The following UGP2 variants were observed in gnomAD, a reference collection of about 807,000 sequenced individuals.
The protein encoded by UGP2 is UDP-glucose pyrophosphorylase 2.
A neutral mutation model predicts 49.0 loss-of-function variants in UGP2; 40 were observed. The ratio of observed to expected loss-of-function variants is 0.82; its 90% CI spans 0.63 to 1.06. The LOEUF (loss-of-function observed/expected upper bound fraction) is 1.06. Ranked by LOEUF, UGP2 falls within the 50% of genes least tolerant of loss-of-function variation. UGP2 has a pLI of 0.00. For synonymous variants in UGP2, 225 were observed against 213.0 expected, an observed-to-expected ratio of 1.06 and a Z score of -0.49; for missense variants, 460 against 603.5, an observed-to-expected ratio of 0.76 and a Z score of 2.49.
intron 3 of UGP2, 65 bp from the exon 4 acceptor site, chr2:63,882,401 A>G: frequency 7.5e-7 from 1 of 1,328,950 alleles, no homozygotes; most frequent in Non-Finnish European, 1.0e-6. Context: ...TAACCCTGGG[A>G]TTGATATGCT....
intron 3 of UGP2, among the ~76,000 whole-genome samples, chr2:63,874,350 G>T (rs1017780753): frequency 6.6e-6 from 1 of 152,188 alleles, no homozygotes; most frequent in Non-Finnish European, 1.5e-5. Context: ...AGAGACCACT[G>T]CAATAACACA....
At chr2:63,874,804 C>G (rs375567276) in intron 3 of UGP2, among the ~76,000 whole-genome samples, 1 of 151,828 alleles carries the variant, frequency 6.6e-6, no homozygotes, top group Non-Finnish European at 1.5e-5. Flanking sequence ...GTACCTCCCT[C>G]CCTTTTTTTC....
intron 5 of UGP2, among the ~76,000 whole-genome samples, 161 bp from the exon 6 acceptor site, chr2:63,885,428 A>G (rs2104359835): frequency 6.6e-6 from 1 of 152,336 alleles, no homozygotes; most frequent in African/African-American, 2.4e-5. Context: ...CAACACAGAT[A>G]CTGAGAGATT....
At chr2:63,849,017 T>C (rs1020959730) in intron 1 of UGP2, among the ~76,000 whole-genome samples, 1 of 152,206 alleles carries the variant, frequency 6.6e-6, no homozygotes, top group African/African-American at 2.4e-5. Flanking sequence ...ATGGAGAAAT[T>C]GGCTATGTTG....
chr2:63,856,918 T>G (rs1203793361), intron 2 of UGP2: 1 of 426,842 alleles, frequency 2.3e-6, no homozygotes, highest in Non-Finnish European at 4.6e-6. Flanking sequence ...AATTTATACT[T>G]AATGTTTTGA....
intron 3 of UGP2, among the ~76,000 whole-genome samples, chr2:63,859,922 C>T (rs866182467): frequency 2.6e-5 from 4 of 152,110 alleles, no homozygotes; most frequent in Non-Finnish European, 5.9e-5. Context: ...GTTTTATATA[C>T]GATATGCATG....
chr2:63,883,470 G>A (rs1318610048), intron 4 of UGP2: 2 of 152,564 alleles, frequency 1.3e-5, no homozygotes, highest in Non-Finnish European at 2.9e-5. Flanking sequence ...TTTCAGCTGG[G>A]GTGTGATTCA....
rs745855117 is a variant in UGP2, at chr2:63,885,665, T to TG, written c.654dup (p.Tyr219ValfsTer7). 8.7e-6 allele frequency: 14 copies of TG among 1,613,678 alleles called. No homozygotes were observed. The highest frequency in any genetic ancestry group is 1.0e-5 in the Non-Finnish European group (12 of 1,179,810). On this transcript the variant is annotated frameshift_variant, in exon 6 of 10. Coordinates refer to ENST00000337130, the MANE Select transcript of UGP2 (RefSeq NM_006759.4). LOFTEE classifies it high-confidence loss of function. ...TTACTCAGGGGAAAATACAGAAGCT[T>TG]GGTACCCTCCAGGTCATGGTGATAT...
chr2:63,880,437 G>A (rs1671228046), intron 3 of UGP2, among the ~76,000 whole-genome samples: 1 of 152,092 alleles, frequency 6.6e-6, no homozygotes, highest in Non-Finnish European at 1.5e-5. Flanking sequence ...TGGGATTAGA[G>A]GTGTGAGCCA....
At chr2:63,846,894 A>G (rs960411271) in intron 1 of UGP2, among the ~76,000 whole-genome samples, 3 of 152,214 alleles carry the variant, frequency 2.0e-5, no homozygotes, top group African/African-American at 7.2e-5. Flanking sequence ...CTGATTTAAG[A>G]TTTATTATAT....
At chr2:63,863,946 C>T (rs1670014190) in intron 3 of UGP2, among the ~76,000 whole-genome samples, 1 of 152,170 alleles carries the variant, frequency 6.6e-6, no homozygotes, top group African/African-American at 2.4e-5. Context: ...GTGTCTTCAT[C>T]GTACATAGTC....
At chr2:63,856,768 G>A (rs1669465427) in intron 2 of UGP2, 2 of 467,676 alleles carry the variant, frequency 4.3e-6, no homozygotes, top group African/African-American at 2.0e-5. Context: ...AGCTTCATAT[G>A]TCCTGCATGC....
At chr2:63,866,218 G>A (rs568940316) in intron 3 of UGP2, among the ~76,000 whole-genome samples, 1 of 152,286 alleles carries the variant, frequency 6.6e-6, no homozygotes, top group East Asian at 1.9e-4. Context: ...TATTGATGTG[G>A]TTTATTTAAG....
At chr2:63,854,284 A>G (rs1669238675) in intron 1 of UGP2, among the ~76,000 whole-genome samples, 1 of 152,226 alleles carries the variant, frequency 6.6e-6, no homozygotes, top group African/African-American at 2.4e-5. Flanking sequence ...TTGACTCCCA[A>G]TCCACTCTAT....
chr2:63,847,999 C>T (rs756548888), intron 1 of UGP2, among the ~76,000 whole-genome samples: 15 of 152,298 alleles, frequency 9.8e-5, no homozygotes, highest in Non-Finnish European at 1.5e-4. Context: ...CCTGGATTAT[C>T]TGTGAAAATG....
chr2:63,852,095 G>C (rs560885385), intron 1 of UGP2, among the ~76,000 whole-genome samples: 1 of 151,966 alleles, frequency 6.6e-6, no homozygotes, highest in South Asian at 2.1e-4. Context: ...TCACTAGGAA[G>C]GCTTTGGACC....
At chr2:63,880,296 C>T (rs1671214644) in intron 3 of UGP2, among the ~76,000 whole-genome samples, 1 of 151,944 alleles carries the variant, frequency 6.6e-6, no homozygotes, top group African/African-American at 2.4e-5. Flanking sequence ...ACCTCAGTCT[C>T]CTGGGTAGCT....
intron 3 of UGP2, among the ~76,000 whole-genome samples, chr2:63,879,489 C>T (rs1388912093): frequency 6.6e-6 from 1 of 152,164 alleles, no homozygotes; most frequent in African/African-American, 2.4e-5. Flanking sequence ...TAACAACAAA[C>T]TCAATGATAT....
chr2:63,849,138 T>A lies in UGP2; in HGVS notation c.19+6934T>A, dbSNP rs1293643327. Among the ~76,000 whole-genome samples, 3 of 152,264 alleles carry A rather than the reference T, an allele frequency of 2.0e-5. No homozygotes were observed. The East Asian group carries it at 5.8e-4, about 29-fold the overall frequency. ...GAGAATTGTTTCTTTGTGATTTCGC[T>A]TGTGTCCTAAAAAACAAACAAAAAG... On this transcript the variant is annotated intron_variant, in intron 1 of 9. Transcript: ENST00000337130.
Sources: allele counts gnomAD v4.1 joint callset (sites outside exome capture counted in the v4.1 genomes callset), GRCh38; gene constraint gnomAD v4.1.1; transcripts MANE v1.5; gene names NCBI Gene and HGNC (gene_info 2026-07-23, HGNC 2026-07-21).